WWC2: variants seen among roughly 807,000 people sequenced by gnomAD.
WWC2 encodes the protein WW and C2 domain containing 2.
WWC2 carries 101 observed loss-of-function variants against 138.5 expected under a neutral mutation model. That is an observed-to-expected ratio of 0.73 (90% CI 0.62 to 0.86). The LOEUF (loss-of-function observed/expected upper bound fraction) is 0.86. WWC2 is among the 40% of genes least tolerant of loss of function. The pLI is 0.00. For missense variants in WWC2, 1,420 were observed against 1,419.4 expected (o/e 1.00, Z -0.01); for synonymous variants, 558 against 538.4 (o/e 1.04, Z -0.50).
intron 5 of WWC2, among the ~76,000 whole-genome samples, chr4:183,242,562 A>AAAT (rs1311170899): frequency 6.6e-6 from 1 of 152,210 alleles, no homozygotes; most frequent in East Asian, 1.9e-4. Flanking sequence ...GCCTGTTTCC[A>AAAT]TTTGCTGCCT....
intron 16 of WWC2, among the ~76,000 whole-genome samples, chr4:183,274,519 A>G (rs1390893100): frequency 1.3e-5 from 2 of 152,222 alleles, no homozygotes; most frequent in African/African-American, 4.8e-5. Context: ...CATGTCACAC[A>G]TGAGCATGAA....
chr4:183,278,154 A>G (rs1040066854), intron 16 of WWC2, among the ~76,000 whole-genome samples: 14 of 152,134 alleles, frequency 9.2e-5, no homozygotes, highest in Non-Finnish European at 1.5e-4. Flanking sequence ...TGATTTTTGT[A>G]TAAGGTATAA....
chr4:183,280,229 G>GTTTTTTTTCTTTT (rs1738019017), intron 16 of WWC2, among the ~76,000 whole-genome samples: 3 of 65,430 alleles, frequency 4.6e-5, no homozygotes, highest in Non-Finnish European at 8.0e-5. Flanking sequence ...GATAGCAGCT[G>GTTTTTTTTCTTTT]TTTTTTTTTT....
intron 4 of WWC2, among the ~76,000 whole-genome samples, chr4:183,230,771 ATC>A (rs1736219844): frequency 1.3e-5 from 2 of 152,128 alleles, no homozygotes; most frequent in African/African-American, 2.4e-5. Flanking sequence ...AAATTGACAT[ATC>A]TCTCAGCATT....
In WWC2 at chr4:183,289,531, C is replaced by G. The variant is rs781012762; in HGVS notation, c.3280C>G (p.Arg1094Gly). 4 of 1,613,764 alleles carry G rather than the reference C, an allele frequency of 2.5e-6. No homozygotes were observed. Among genetic ancestry groups the G allele is most frequent in the Middle Eastern group, 1.6e-4 (1 of 6,082 alleles). Residue 1094 changes from arginine to glycine, a missense_variant, in exon 21 of 23, where the codon CGG (arginine) becomes GGG (glycine). Transcript: ENST00000403733. ...NDELQALRDL[R>G]QKLEELKAQG... is the part of the protein sequence containing the mutation. The stretch of plus-strand genomic sequence containing the variant: ...TGAGCTGCAGGCGCTGAGGGACTTG[C>G]GGCAGAAGCTGGAGGAACTGAAAGC...
intron 16 of WWC2, among the ~76,000 whole-genome samples, chr4:183,277,760 T>C (rs1213176539): frequency 6.7e-6 from 1 of 148,882 alleles, no homozygotes; most frequent in African/African-American, 2.5e-5. Flanking sequence ...CATGTGTTTT[T>C]TGGCTGCATA....
chr4:183,148,448 T>C (rs1318860550), intron 1 of WWC2, among the ~76,000 whole-genome samples: 2 of 152,312 alleles, frequency 1.3e-5, no homozygotes, highest in East Asian at 3.9e-4. Context: ...TAAAGAACAT[T>C]GATATCCATC....
intron 1 of WWC2, among the ~76,000 whole-genome samples, chr4:183,183,669 T>C (rs563581734): frequency 6.6e-6 from 1 of 152,150 alleles, no homozygotes; most frequent in Admixed American, 6.5e-5. Flanking sequence ...TTCTAGCTCC[T>C]TGGGAGGCTG....
At chr4:183,117,677 C>T (rs569236604) in intron 1 of WWC2, among the ~76,000 whole-genome samples, 64 of 150,600 alleles carry the variant, frequency 4.2e-4, no homozygotes, top group Non-Finnish European at 7.1e-4. Flanking sequence ...CCTGTGTTGC[C>T]CAGGCTGGTC....
At chr4:183,163,789 C>A (rs1013554619) in intron 1 of WWC2, among the ~76,000 whole-genome samples, 7 of 152,028 alleles carry the variant, frequency 4.6e-5, no homozygotes, top group African/African-American at 1.7e-4. Flanking sequence ...TGGGTATTTT[C>A]TAGGTCATAA....
At chr4:183,117,362 A>G (rs574610886) in intron 1 of WWC2, among the ~76,000 whole-genome samples, 106 of 151,404 alleles carry the variant, frequency 7.0e-4, no homozygotes, top group African/African-American at 2.3e-3. Context: ...CTGAGATTAC[A>G]GGTGCCCGCC....
At chr4:183,237,913 G>T (rs1027802877) in intron 4 of WWC2, among the ~76,000 whole-genome samples, 1 of 151,476 alleles carries the variant, frequency 6.6e-6, no homozygotes, top group South Asian at 2.1e-4. Flanking sequence ...AGTGTATTTT[G>T]TCTCTGTCTC....
chr4:183,169,989 T>A (rs1423467574), intron 1 of WWC2, among the ~76,000 whole-genome samples: 1 of 152,220 alleles, frequency 6.6e-6, no homozygotes, highest in Non-Finnish European at 1.5e-5. Context: ...TAATTTGAGC[T>A]TCAAAAGAAC....
intron 9 of WWC2, among the ~76,000 whole-genome samples, chr4:183,257,054 CAGGG>C (rs1737174475): frequency 6.6e-6 from 1 of 152,144 alleles, no homozygotes; most frequent in African/African-American, 2.4e-5. Flanking sequence ...AAAAACCATG[CAGGG>C]AAGGTGTTTC....
intron 4 of WWC2, among the ~76,000 whole-genome samples, chr4:183,237,869 T>A (rs1399498236): frequency 6.6e-6 from 1 of 152,142 alleles, no homozygotes; most frequent in Non-Finnish European, 1.5e-5. Flanking sequence ...GATGCCCTTT[T>A]TTTTTCCTCT....
At chr4:183,109,483 G>GC (rs1732157464) in intron 1 of WWC2, among the ~76,000 whole-genome samples, 1 of 152,216 alleles carries the variant, frequency 6.6e-6, no homozygotes, top group Non-Finnish European at 1.5e-5. Flanking sequence ...TGGAGGAGTT[G>GC]CGAGGGATGG....
chr4:183,256,365 C>G (rs756912235), intron 9 of WWC2, among the ~76,000 whole-genome samples: 1 of 152,204 alleles, frequency 6.6e-6, no homozygotes, highest in African/African-American at 2.4e-5. Flanking sequence ...TGAATCCTTT[C>G]TTTCCCAAGT....
rs1367008402 is a variant in WWC2 at position 183,126,606 on chromosome 4, A to C, written c.131+26984A>C. On this transcript the variant is annotated intron_variant, in intron 1 of 22. Coordinates refer to ENST00000403733, the MANE Select transcript of WWC2 (RefSeq NM_024949.6). ...TTCCTTAGCACTTTCCAAAACCTAC[A>C]TATTTTACTTTCAGGTCAAAGGATA... Among the ~76,000 whole-genome samples the C allele has an allele frequency of 2.6e-5, 4 of 152,206 alleles. 1 individual carries two copies. Among genetic ancestry groups the C allele is most frequent in the African/African-American group, 9.6e-5 (4 of 41,468 alleles).
rs901991969 is a variant in WWC2, at chr4:183,113,503, T to C, written c.131+13881T>C. Among the ~76,000 whole-genome samples, 6 of 149,448 alleles carry C rather than the reference T, an allele frequency of 4.0e-5. No individual in the cohort carries two copies. The East Asian group carries it at 1.0e-3, about 25-fold the overall frequency. ...GCCTGTGTGTGTGTGTGTGTGTGTG[T>C]GTGTGTGTGTGTGCGCGCGCGTGCG... On this transcript the variant is annotated intron_variant, in intron 1 of 22. Transcript: ENST00000403733.
Sources: gnomAD v4.1 joint callset for allele counts (sites outside exome capture counted in the v4.1 genomes callset) on GRCh38, gnomAD v4.1.1 for gene constraint, MANE v1.5 for transcripts, NCBI Gene and HGNC (gene_info 2026-07-23, HGNC 2026-07-21) for gene names.